COPA: variants seen among roughly 807,000 people sequenced by gnomAD.
The protein encoded by COPA is coat protein complex I subunit alpha, also known as coatomer subunit alpha.
COPA carries 10 observed loss-of-function variants against 158.7 expected under a neutral mutation model. The ratio of observed to expected loss-of-function variants is 0.06; its 90% CI spans 0.04 to 0.11. COPA has a LOEUF of 0.11. Ranked by LOEUF, COPA falls within the 10% of genes least tolerant of loss-of-function variation. The probability of loss-of-function intolerance (pLI) is 1.00; values close to 1 mark genes in which losing one functional copy is unlikely to be tolerated. For synonymous variants in COPA, 462 were observed against 542.8 expected, an observed-to-expected ratio of 0.85 and a Z score of 2.07; for missense variants, 1,065 against 1,536.7, an observed-to-expected ratio of 0.69 and a Z score of 5.13.
intron 17 of COPA, among the ~76,000 whole-genome samples, chr1:160,302,834 G>A (rs919356897): frequency 1.8e-4 from 27 of 151,986 alleles, no homozygotes; most frequent in African/African-American, 6.3e-4. Context: ...GATTACAGGC[G>A]TGAGCGACCG....
At chr1:160,306,178 G>A (rs541491472) in intron 15 of COPA, among the ~76,000 whole-genome samples, 176 bp downstream of exon 15, 1 of 152,314 alleles carries the variant, frequency 6.6e-6, no homozygotes, top group South Asian at 2.1e-4. Context: ...TAATGCTAGT[G>A]TGGACGTGAA....
At chr1:160,328,553 C>A (rs1647361356) in intron 6 of COPA, among the ~76,000 whole-genome samples, 2 of 152,156 alleles carry the variant, frequency 1.3e-5, no homozygotes, top group Non-Finnish European at 2.9e-5. Flanking sequence ...TTGATGCACA[C>A]CTCCCAATAC....
At chr1:160,341,274 T>G (rs948245510) in intron 1 of COPA, among the ~76,000 whole-genome samples, 2 of 152,208 alleles carry the variant, frequency 1.3e-5, no homozygotes, top group African/African-American at 4.8e-5. Flanking sequence ...TTTATGAAAG[T>G]GGGGATCACG....
chr1:160,297,194 ATCT>A (rs1375035235), intron 21 of COPA, 146 bp downstream of exon 21: 1 of 696,694 alleles, frequency 1.4e-6, no homozygotes, highest in Non-Finnish European at 2.4e-6. Flanking sequence ...TTTGAAGAAA[ATCT>A]TCTAAGCACA....
At chr1:160,317,748 A>C in intron 8 of COPA, 59 of 1,223,902 alleles carry the variant, frequency 4.8e-5, no homozygotes, top group Non-Finnish European at 6.9e-5. Context: ...ATCCTTTCTC[A>C]TTTTTAAAAA....
At position 160,310,260 on chromosome 1, in the gene COPA, T is replaced by TAG. The variant is rs750537666; in HGVS notation, c.1077-4_1077-3dup. ...TTGAATACTGGAAACTTGGAACCAC[T>TAG]AGAGATATATATAGAAAAAGGAGAA... On this transcript the variant is annotated splice_region_variant and splice_polypyrimidine_tract_variant and intron_variant, in intron 11 of 32. Coordinates refer to ENST00000241704, the MANE Select transcript of COPA (RefSeq NM_004371.4). The TAG allele has an allele frequency of 7.0e-6, 11 of 1,582,614 alleles. No individual in the cohort carries two copies. Among genetic ancestry groups the TAG allele is most frequent in the Non-Finnish European group, 9.5e-6 (11 of 1,158,984 alleles).
intron 25 of COPA, 74 bp from the exon 26 acceptor site, chr1:160,293,537 T>A: frequency 8.7e-7 from 1 of 1,146,708 alleles, no homozygotes; most frequent in Non-Finnish European, 1.2e-6. Flanking sequence ...CTCTGTCACC[T>A]AGACTGGAGT....
chr1:160,321,103 T>C (rs1474142511), intron 8 of COPA, among the ~76,000 whole-genome samples: 1 of 152,164 alleles, frequency 6.6e-6, no homozygotes, highest in Non-Finnish European at 1.5e-5. Flanking sequence ...AACCATATGA[T>C]AGTTAAGCAG....
At chr1:160,329,671 G>T (rs956446110) in intron 6 of COPA, among the ~76,000 whole-genome samples, 1 of 152,130 alleles carries the variant, frequency 6.6e-6, no homozygotes, top group African/African-American at 2.4e-5. Flanking sequence ...TGCCCGAAAG[G>T]CATCAGTTTA....
At chr1:160,311,260 G>A (rs996131507) in intron 11 of COPA, among the ~76,000 whole-genome samples, 1 of 151,772 alleles carries the variant, frequency 6.6e-6, no homozygotes, top group African/African-American at 2.4e-5. Context: ...CCAACACAGC[G>A]AAACCCCGTC....
chr1:160,292,323 T>G, intron 28 of COPA, 125 bp from the exon 29 acceptor site: 1 of 1,546,410 alleles, frequency 6.5e-7, no homozygotes, highest in Non-Finnish European at 8.8e-7. Context: ...GGGAAGAGGA[T>G]GACAGCAGGT....
chr1:160,293,141 A>G lies in COPA; in HGVS notation c.2823+25T>C, dbSNP rs1284230295. 4 of 1,613,506 alleles carry G rather than the reference A, an allele frequency of 2.5e-6. No homozygotes were observed. In the African/African-American group the frequency reaches 5.3e-5, roughly 22 times the overall value. ...CGGGGACCCTGGGCTAGGCACACTC[A>G]AGAGGAAAAGCCAAGGTTACTTACC... On this transcript the variant is annotated intron_variant, in intron 27 of 32. Coordinates refer to ENST00000241704, the MANE Select transcript of COPA (RefSeq NM_004371.4).
intron 6 of COPA, among the ~76,000 whole-genome samples, chr1:160,330,518 T>C (rs1571180184): frequency 6.6e-6 from 1 of 152,310 alleles, no homozygotes; most frequent in East Asian, 1.9e-4. Flanking sequence ...GACAGCATTA[T>C]CTAGAGGTTC....
Position 160,297,333 on chromosome 1 carries a change from G to A in COPA, c.2263+10C>T, listed in dbSNP as rs1658447786. ...GACCCTGAAAAAGCTGGCAAGTCTC[G>A]GATACTTACTCTGTCCACAGTTCTT... On this transcript the variant is annotated intron_variant, in intron 21 of 32. Coordinates refer to ENST00000241704, the MANE Select transcript of COPA (RefSeq NM_004371.4). 3.1e-6 allele frequency: 5 copies of A among 1,612,686 alleles called. No homozygotes were observed. Among genetic ancestry groups the A allele is most frequent in the African/African-American group, 2.7e-5 (2 of 74,850 alleles).
In COPA at chr1:160,289,504, T is replaced by C. The variant is rs1557858324; in HGVS notation, c.*653A>G. The C allele has an allele frequency of 6.6e-6, 1 of 152,106 alleles. No individual in the cohort carries two copies. The highest frequency in any genetic ancestry group is 1.5e-5 in the Non-Finnish European group (1 of 68,032). The allele number at this position is 152,106 out of a possible 1,614,324, so 9.4% of individuals were successfully genotyped here. On this transcript the variant is annotated 3_prime_UTR_variant, in exon 33 of 33. Coordinates refer to ENST00000241704, the MANE Select transcript of COPA (RefSeq NM_004371.4). ...AATGTATTTATTACATCCTGCTCCTTTCTAGTTGACAGGAAAGAAAGCTGC... is the reference window on the plus strand; with the variant it reads ...AATGTATTTATTACATCCTGCTCCTCTCTAGTTGACAGGAAAGAAAGCTGC...
intron 12 of COPA, among the ~76,000 whole-genome samples, chr1:160,309,763 A>G (rs1281471885): frequency 6.8e-6 from 1 of 146,882 alleles, no homozygotes; most frequent in Non-Finnish European, 1.5e-5. Flanking sequence ...TTTTTTGCAA[A>G]TTCTGTTGCA....
At chr1:160,306,780 T>C (rs1174826479) in intron 14 of COPA, among the ~76,000 whole-genome samples, 1 of 152,194 alleles carries the variant, frequency 6.6e-6, no homozygotes, top group African/African-American at 2.4e-5. Context: ...GGCTTAAATT[T>C]TGTTAAATAT....
intron 2 of COPA, 55 bp from the exon 3 acceptor site, chr1:160,340,037 AAG>A: frequency 6.3e-7 from 1 of 1,584,716 alleles, no homozygotes; most frequent in Admixed American, 1.7e-5. Flanking sequence ...TCTAATCTCT[AAG>A]GTGATTCCTA....
At position 160,307,112 on chromosome 1, in the gene COPA, C is replaced by A. The variant is rs1269949767; in HGVS notation, c.1302+51G>T. 6 of 1,551,628 alleles carry A rather than the reference C, an allele frequency of 3.9e-6. No homozygotes were observed. The Admixed American group carries it at 5.0e-5, about 13-fold the overall frequency. On this transcript the variant is annotated intron_variant, in intron 14 of 32. Coordinates refer to ENST00000241704, the MANE Select transcript of COPA (RefSeq NM_004371.4). ...TGGTCTTTATTTTGCAATACACAGG[C>A]CACTGCCACCACACTCCCCAAATTA...
Sources: allele counts gnomAD v4.1 joint callset (sites outside exome capture counted in the v4.1 genomes callset), GRCh38; gene constraint gnomAD v4.1.1; transcripts MANE v1.5; gene names NCBI Gene and HGNC (gene_info 2026-07-23, HGNC 2026-07-21).